The following CXADR variants were observed in gnomAD, a reference collection of about 807,000 sequenced individuals.
The protein encoded by CXADR is coxsackievirus and adenovirus receptor.
CXADR carries 20 observed loss-of-function variants against 40.3 expected under a neutral mutation model. The observed-to-expected ratio is 0.50, with a 90% CI of 0.35 to 0.72. The LOEUF is 0.72. Among genes scored for constraint, CXADR ranks in the 30% least tolerant of loss-of-function variants. CXADR has a pLI of 0.01. For synonymous variants in CXADR, 150 were observed against 161.3 expected, an observed-to-expected ratio of 0.93 and a Z score of 0.53; for missense variants, 332 against 449.1, an observed-to-expected ratio of 0.74 and a Z score of 2.36.
At chr21:17,590,170 CAA>C (rs1351241691) in intron 7 of CXADR, among the ~76,000 whole-genome samples, 1 of 151,294 alleles carries the variant, frequency 6.6e-6, no homozygotes, top group East Asian at 1.9e-4. Context: ...AATTTAAACA[CAA>C]AGTCTCCCAT....
the CXADR span, among the ~76,000 whole-genome samples, chr21:17,599,707 T>C: frequency 6.6e-6 from 1 of 152,300 alleles, no homozygotes; most frequent in East Asian, 1.9e-4. Flanking sequence ...CTTGAACTCC[T>C]GACCTCAGGT....
Position 17,558,970 on chromosome 21 carries a change from T to C in CXADR, c.416-6T>C. The C allele has an allele frequency of 1.2e-6, 2 of 1,603,040 alleles. No individual in the cohort carries two copies. Among genetic ancestry groups the C allele is most frequent in the East Asian group, 4.5e-5 (2 of 44,750 alleles). On this transcript the variant is annotated splice_region_variant and splice_polypyrimidine_tract_variant and intron_variant, in intron 3 of 6. Coordinates refer to ENST00000284878, the MANE Select transcript of CXADR (RefSeq NM_001338.5). ...ATGTAAATTTATAATTTGTTTTCTC[T>C]TTCAGTTAAGCCTTCAGGTGCGAGA...
chr21:17,572,159 C>T (rs1037277891), downstream of CXADR, among the ~76,000 whole-genome samples: 4 of 149,770 alleles, frequency 2.7e-5, no homozygotes, highest in East Asian at 2.0e-4. Flanking sequence ...GTCAGGAGTT[C>T]GAGACCAGCC....
At chr21:17,518,805 C>G in intron 1 of CXADR, 1 of 1,568,266 alleles carries the variant, frequency 6.4e-7, no homozygotes, top group Non-Finnish European at 8.8e-7. Flanking sequence ...GAATAACTGT[C>G]CCATCATCTT....
intron 3 of CXADR, 134 bp downstream of exon 3, chr21:17,552,087 A>C: frequency 1.5e-6 from 1 of 664,128 alleles, no homozygotes; most frequent in Non-Finnish European, 2.6e-6. Context: ...AAGTACTTCT[A>C]TGTTGGATAG....
At chr21:17,591,432 A>G (rs912485174) in intron 7 of CXADR, among the ~76,000 whole-genome samples, 1 of 152,056 alleles carries the variant, frequency 6.6e-6, no homozygotes, top group Non-Finnish European at 1.5e-5. Context: ...TAATCATAAA[A>G]TAAGAAATTA....
chr21:17,590,271 TTG>T (rs375991440), intron 7 of CXADR, among the ~76,000 whole-genome samples: 3 of 152,026 alleles, frequency 2.0e-5, no homozygotes, highest in African/African-American at 7.2e-5. Flanking sequence ...GTACTTTTAT[TTG>T]TGCTGATTGT....
chr21:17,522,610 T>C (rs1008236736), intron 1 of CXADR, among the ~76,000 whole-genome samples: 1 of 152,226 alleles, frequency 6.6e-6, no homozygotes, highest in African/African-American at 2.4e-5. Context: ...GTTGACACTG[T>C]GGCTACATCC....
At chr21:17,604,761 C>A in the CXADR span, 1 of 1,388,260 alleles carries the variant, frequency 7.2e-7, no homozygotes, top group East Asian at 2.5e-5. Context: ...ACCACCAGCT[C>A]CTGGCCATAA....
intron 1 of CXADR, among the ~76,000 whole-genome samples, chr21:17,528,764 C>T (rs2060631825): frequency 6.6e-6 from 1 of 152,136 alleles, no homozygotes; most frequent in African/African-American, 2.4e-5. Context: ...ACTCTAATAT[C>T]ATGCCTCCCA....
chr21:17,539,954 T>C (rs1032706775), intron 1 of CXADR, among the ~76,000 whole-genome samples: 6 of 152,178 alleles, frequency 3.9e-5, no homozygotes, highest in African/African-American at 1.4e-4. Context: ...CAAAATGCCA[T>C]AGACAAAATA....
At chr21:17,519,564 A>C (rs1166510311) in intron 1 of CXADR, among the ~76,000 whole-genome samples, 1 of 152,114 alleles carries the variant, frequency 6.6e-6, no homozygotes, top group African/African-American at 2.4e-5. Context: ...ATCTCTTTGG[A>C]ACTCCTTGAC....
At chr21:17,535,470 G>A (rs1684954775) in intron 1 of CXADR, among the ~76,000 whole-genome samples, 1 of 152,116 alleles carries the variant, frequency 6.6e-6, no homozygotes, top group African/African-American at 2.4e-5. Context: ...AAAGTGCTGG[G>A]ATGGTTACAG....
At chr21:17,570,123 T>A (rs879283100), downstream of CXADR, 4 of 985,310 alleles carry the variant, frequency 4.1e-6, no homozygotes, top group Non-Finnish European at 4.8e-6. Flanking sequence ...GGTGTGGCTT[T>A]ATTGTGCCTT....
chr21:17,570,279 C>T (rs2061267123), downstream of CXADR, among the ~76,000 whole-genome samples: 1 of 152,144 alleles, frequency 6.6e-6, no homozygotes, highest in Admixed American at 6.6e-5. Context: ...GTCAAGCATA[C>T]AGACCATTAT....
chr21:17,531,469 C>T (rs897408798), intron 1 of CXADR, among the ~76,000 whole-genome samples: 2 of 151,948 alleles, frequency 1.3e-5, no homozygotes, highest in African/African-American at 4.8e-5. Flanking sequence ...ATATGTAAAA[C>T]TAGAGAAAAT....
In CXADR at chr21:17,565,510, T is replaced by C; in HGVS notation, c.916T>C (p.Ser306Pro). 6.2e-7 allele frequency: 1 copy of C among 1,613,876 alleles called. No homozygotes were observed. Among genetic ancestry groups the C allele is most frequent in the Non-Finnish European group, 8.5e-7 (1 of 1,179,824 alleles). The change falls in exon 7 of 7, where the codon TCT becomes CCT. Residue 306 changes from serine to proline, a missense_variant. Transcript: ENST00000284878. ...GSNHSSLGSM[S>P]PSNMEGYSKT... ...TAATCATTCATCCCTGGGGTCCATG[T>C]CTCCTTCCAACATGGAAGGATATTC... is the stretch of plus-strand genomic sequence containing the variant.
intron 7 of CXADR, among the ~76,000 whole-genome samples, chr21:17,577,274 A>G (rs939895221): frequency 6.6e-6 from 1 of 152,220 alleles, no homozygotes; most frequent in East Asian, 1.9e-4. Context: ...TGGCATATTT[A>G]AATACATATG....
chr21:17,616,903 TA>T, the CXADR span, among the ~76,000 whole-genome samples: 1 of 152,188 alleles, frequency 6.6e-6, no homozygotes, highest in African/African-American at 2.4e-5. Flanking sequence ...CAGCAGTGAT[TA>T]AAGTATAAGC....
Sources: gnomAD v4.1 joint callset for allele counts (sites outside exome capture counted in the v4.1 genomes callset) on GRCh38, gnomAD v4.1.1 for gene constraint, MANE v1.5 for transcripts, NCBI Gene and HGNC (gene_info 2026-07-23, HGNC 2026-07-21) for gene names.